The following TBC1D8 variants were observed in gnomAD, a reference collection of about 807,000 sequenced individuals.
The protein encoded by TBC1D8 is TBC1 domain family member 8, also known as BUB2-like protein 1.
A neutral mutation model predicts 118.8 loss-of-function variants in TBC1D8; 65 were observed. That is an observed-to-expected ratio of 0.55 (90% CI 0.45 to 0.67). The LOEUF (loss-of-function observed/expected upper bound fraction) is 0.67, where lower values mean the gene tolerates loss of function less well. Among genes scored for constraint, TBC1D8 ranks in the 30% least tolerant of loss-of-function variants. The pLI, the probability that TBC1D8 is intolerant of heterozygous loss-of-function variation, is 0.00. For missense variants in TBC1D8, 1,376 were observed against 1,471.2 expected, an observed-to-expected ratio of 0.94 and a Z score of 1.06; for synonymous variants, 566 against 595.8, an observed-to-expected ratio of 0.95 and a Z score of 0.73.
At chr2:101,103,789 A>G (rs1279675218) in intron 1 of TBC1D8, among the ~76,000 whole-genome samples, 1 of 152,208 alleles carries the variant, frequency 6.6e-6, no homozygotes, top group African/African-American at 2.4e-5. Flanking sequence ...CACTAAAATC[A>G]GGAACAAGAC....
intron 5 of TBC1D8, among the ~76,000 whole-genome samples, chr2:101,041,601 A>G (rs1423559072): frequency 1.3e-5 from 2 of 152,148 alleles, no homozygotes; most frequent in African/African-American, 4.8e-5. Context: ...GGGTGATGAA[A>G]TGCTCTAAAA....
chr2:101,147,713 TGA>T (rs1679376921), intron 1 of TBC1D8, among the ~76,000 whole-genome samples: 2 of 152,148 alleles, frequency 1.3e-5, no homozygotes, highest in African/African-American at 4.8e-5. Flanking sequence ...TTTTTGCTCT[TGA>T]GCTATTTAAG....
intron 2 of TBC1D8, among the ~76,000 whole-genome samples, chr2:101,070,730 A>G (rs1683267255): frequency 6.6e-6 from 1 of 152,180 alleles, no homozygotes; most frequent in African/African-American, 2.4e-5. Flanking sequence ...CTGATTTTTA[A>G]GAAACCCTCA....
At chr2:101,096,022 G>A (rs1051173978) in intron 1 of TBC1D8, among the ~76,000 whole-genome samples, 3 of 152,146 alleles carry the variant, frequency 2.0e-5, no homozygotes, top group African/African-American at 7.2e-5. Flanking sequence ...AACGACAGCT[G>A]GAAGTATGGC....
intron 2 of TBC1D8, among the ~76,000 whole-genome samples, chr2:101,087,085 A>G (rs1319773388): frequency 6.6e-6 from 1 of 151,756 alleles, no homozygotes; most frequent in African/African-American, 2.4e-5. Context: ...CGCCCGGCTG[A>G]ATTTCATCAT....
chr2:101,018,391 A>G (rs1440902054), intron 17 of TBC1D8: 2 of 157,366 alleles, frequency 1.3e-5, no homozygotes, highest in African/African-American at 4.8e-5. Context: ...ATTACCCTTA[A>G]CCAACTGCAA....
chr2:101,076,962 G>A (rs186573366), intron 2 of TBC1D8, among the ~76,000 whole-genome samples: 1 of 152,150 alleles, frequency 6.6e-6, no homozygotes, highest in Non-Finnish European at 1.5e-5. Context: ...AAGGCAAAGG[G>A]GGACATTTCA....
At chr2:101,082,850 G>A (rs369642000) in intron 2 of TBC1D8, among the ~76,000 whole-genome samples, 1 of 127,160 alleles carries the variant, frequency 7.9e-6, no homozygotes, top group East Asian at 2.0e-4. Flanking sequence ...GAGATGGATG[G>A]TGGTGATGGT....
At chr2:101,068,502 C>T (rs1190708503) in intron 2 of TBC1D8, 1 of 406,968 alleles carries the variant, frequency 2.5e-6, no homozygotes. Context: ...AGGTAGTTGT[C>T]TCTGGAAGAT....
At chr2:101,146,559 G>A (rs764329306) in intron 1 of TBC1D8, among the ~76,000 whole-genome samples, 1 of 152,220 alleles carries the variant, frequency 6.6e-6, no homozygotes, top group Non-Finnish European at 1.5e-5. Context: ...TTGTTATTTA[G>A]AGTAATGTTT....
chr2:101,106,038 T>TAA (rs201148565), intron 1 of TBC1D8, among the ~76,000 whole-genome samples: 6 of 146,036 alleles, frequency 4.1e-5, no homozygotes, highest in African/African-American at 1.3e-4. Flanking sequence ...TTCTGTGATT[T>TAA]AAAAAAAAAA....
At chr2:101,147,949 A>G (rs1282832099) in intron 1 of TBC1D8, among the ~76,000 whole-genome samples, 1 of 152,160 alleles carries the variant, frequency 6.6e-6, no homozygotes, top group Non-Finnish European at 1.5e-5. Context: ...CACTTCCGCA[A>G]GCAGAAGTTT....
chr2:101,114,155 G>A (rs1263783387), intron 1 of TBC1D8, among the ~76,000 whole-genome samples: 1 of 152,168 alleles, frequency 6.6e-6, no homozygotes, highest in Non-Finnish European at 1.5e-5. Flanking sequence ...TGTTTGGCAC[G>A]ACTGTTTCCA....
At position 101,036,165 on chromosome 2, in the gene TBC1D8, T is replaced by C; in HGVS notation, c.1456A>G (p.Arg486Gly). Reference protein sequence around the residue: ...GSQSPDSRMSREQIKISLWND... With the variant: ...GSQSPDSRMSGEQIKISLWND... ...CACAGGCTTATTTTTATCTGTTCTC[T>C]GGACTGGAAATGGGAATATTCTTAA... The change falls in exon 9 of 20, where the codon AGA becomes GGA. Residue 486 changes from arginine to glycine, a missense_variant. By Grantham distance (125) the Arg-to-Gly change is moderately radical. Transcript: ENST00000409318. 6.2e-7 allele frequency: 1 copy of C among 1,613,204 alleles called. No individual in the cohort carries two copies. Among genetic ancestry groups the C allele is most frequent in the Non-Finnish European group, 8.5e-7 (1 of 1,179,208 alleles).
Position 101,007,372 on chromosome 2 carries a change from CA to C in TBC1D8, c.*448del, listed in dbSNP as rs1432915174. 1.3e-5 allele frequency: 2 copies of C among 157,660 alleles called. No individual in the cohort carries two copies. The highest frequency in any genetic ancestry group is 2.4e-5 in the African/African-American group (1 of 41,420). 9.8% of individuals were successfully genotyped at this position (157,660 alleles called of 1,614,324 possible). ...TTCAATTACCAGCATTGAAACAGTG[CA>C]AAAAAAAGCCAAATACAATTGCACA... On this transcript the variant is annotated 3_prime_UTR_variant, in exon 20 of 20. Coordinates refer to ENST00000409318, the MANE Select transcript of TBC1D8 (RefSeq NM_001330348.2).
chr2:101,046,169 C>T (rs953060124), intron 5 of TBC1D8, among the ~76,000 whole-genome samples: 1 of 152,200 alleles, frequency 6.6e-6, no homozygotes. Flanking sequence ...GTGACCCCCC[C>T]AGGAGTCCTA....
Position 101,059,465 on chromosome 2 carries a change from C to T in TBC1D8, c.358G>A (p.Asp120Asn), listed in dbSNP as rs1682635116. The T allele has an allele frequency of 6.2e-7, 1 of 1,613,874 alleles. No individual in the cohort carries two copies. Among genetic ancestry groups the T allele is most frequent in the Non-Finnish European group, 8.5e-7 (1 of 1,179,848 alleles). The change falls in exon 3 of 20, where the codon GAT (aspartate) becomes AAT (asparagine). Residue 120 changes from aspartate to asparagine, a missense_variant. By Grantham distance (23) the Asp-to-Asn change is conservative (BLOSUM62 1). Transcript: ENST00000409318. ...AAACTGGCAATGTCATCTTTATTAT[C>T]AAAGACAGACAAGGTGTGGAGGAGA... ...QNLLHTLSVF[D>N]NKDDIASFVK...
chr2:101,010,437 G>A (rs2105358274), intron 19 of TBC1D8, among the ~76,000 whole-genome samples: 1 of 152,236 alleles, frequency 6.6e-6, no homozygotes, highest in African/African-American at 2.4e-5. Context: ...TGAAGTGTGT[G>A]GCAGCCTCCT....
chr2:101,150,646 G>C (rs4851408), intron 1 of TBC1D8, among the ~76,000 whole-genome samples: 21,848 of 152,190 alleles, frequency 0.14, 2,089 homozygotes, highest in Middle Eastern at 0.27. Context: ...GCTCACCGCG[G>C]CCTCCAAGAG....
Sources: gnomAD v4.1 joint callset for allele counts (sites outside exome capture counted in the v4.1 genomes callset) on GRCh38, gnomAD v4.1.1 for gene constraint, MANE v1.5 for transcripts, NCBI Gene and HGNC (gene_info 2026-07-23, HGNC 2026-07-21) for gene names.